The following AGPS variants were observed in gnomAD, a reference collection of about 807,000 sequenced individuals.
AGPS encodes the protein alkyldihydroxyacetonephosphate synthase, peroxisomal.
Under a neutral mutation model 90.7 loss-of-function variants are expected in AGPS, and 26 were observed. The ratio of observed to expected loss-of-function variants is 0.29; its 90% CI spans 0.21 to 0.40. The LOEUF (loss-of-function observed/expected upper bound fraction) is 0.40, where lower values mean the gene tolerates loss of function less well. Ranked by LOEUF, AGPS falls within the 10% of genes least tolerant of loss-of-function variation. AGPS has a pLI of 1.00. For missense variants in AGPS, 540 were observed against 816.1 expected, an observed-to-expected ratio of 0.66 and a Z score of 4.12; for synonymous variants, 294 against 285.3, an observed-to-expected ratio of 1.03 and a Z score of -0.31.
rs557419719 is a variant in AGPS, at chr2:177,516,272, T to C, written c.1697+2364T>C. The stretch of plus-strand genomic sequence containing the variant: ...TTTTTGTCCATTAAAATGTACTTTG[T>C]ACATTGGAATAGAAATTCCAGTCCA... On this transcript the variant is annotated intron_variant, in intron 17 of 19. Coordinates refer to ENST00000264167, the MANE Select transcript of AGPS (RefSeq NM_003659.4). 2.0e-5 allele frequency among the ~76,000 whole-genome samples: 3 copies of C among 152,274 alleles called. No homozygotes were observed. The East Asian group carries it at 5.8e-4, about 29-fold the overall frequency.
intron 1 of AGPS, among the ~76,000 whole-genome samples, chr2:177,406,047 G>T (rs1685458496): frequency 6.6e-6 from 1 of 152,150 alleles, no homozygotes; most frequent in Admixed American, 6.6e-5. Flanking sequence ...CCTGAGTCAT[G>T]AGTTCTTGCT....
At chr2:177,399,827 T>A (rs916335503) in intron 1 of AGPS, among the ~76,000 whole-genome samples, 3 of 152,252 alleles carry the variant, frequency 2.0e-5, no homozygotes, top group African/African-American at 7.2e-5. Flanking sequence ...CTGTTTGAAC[T>A]TCATGTAAAT....
At chr2:177,489,087 C>CT (rs373471623) in intron 11 of AGPS, among the ~76,000 whole-genome samples, 98,890 of 139,944 alleles carry the variant, frequency 0.71, 35,139 homozygotes, top group Admixed American at 0.77. Flanking sequence ...TTTGATGTTT[C>CT]TTTTTTTTTT....
intron 1 of AGPS, 182 bp downstream of exon 1, chr2:177,393,231 G>A: frequency 2.0e-6 from 2 of 985,394 alleles, no homozygotes; most frequent in Non-Finnish European, 2.4e-6. Flanking sequence ...CTGTCAGGAA[G>A]GGGGCGGGAT....
At chr2:177,422,580 G>A (rs2105611792) in intron 2 of AGPS, among the ~76,000 whole-genome samples, 1 of 152,302 alleles carries the variant, frequency 6.6e-6, no homozygotes, top group African/African-American at 2.4e-5. Flanking sequence ...ATTTGCATTA[G>A]TGGAGGGTAG....
intron 15 of AGPS, among the ~76,000 whole-genome samples, chr2:177,506,806 A>G (rs367846946): frequency 3.3e-5 from 5 of 152,020 alleles, no homozygotes; most frequent in African/African-American, 1.2e-4. Flanking sequence ...TCAATTGTCA[A>G]TATCATAGTT....
chr2:177,513,878 G>T lies in AGPS; in HGVS notation c.1667G>T (p.Gly556Val). Residue 556 changes from glycine (G) to valine (V), a missense_variant, in exon 17 of 20, where the codon GGT becomes GTT. Gly to Val is a moderately radical substitution (Grantham distance 109). Coordinates refer to ENST00000264167, the MANE Select transcript of AGPS (RefSeq NM_003659.4). ...ATAACAAGGGAATGCAAAGAGAAGG[G>T]TGTTCAGTTTGCTCCTTTTTCTACA... ...ERITRECKEKGVQFAPFSTCR... is the reference protein window; with the variant it reads ...ERITRECKEKVVQFAPFSTCR... 1 of 1,613,598 alleles carries T rather than the reference G, an allele frequency of 6.2e-7. No individual in the cohort carries two copies. Among genetic ancestry groups the T allele is most frequent in the Non-Finnish European group, 8.5e-7 (1 of 1,179,660 alleles).
intron 12 of AGPS, among the ~76,000 whole-genome samples, chr2:177,495,258 A>G (rs1574009391): frequency 6.6e-6 from 1 of 152,304 alleles, no homozygotes; most frequent in Non-Finnish European, 1.5e-5. Context: ...TAATCATCAA[A>G]TTGGCAAGGG....
At chr2:177,398,723 A>C (rs1204714367) in intron 1 of AGPS, among the ~76,000 whole-genome samples, 1 of 152,258 alleles carries the variant, frequency 6.6e-6, no homozygotes, top group Non-Finnish European at 1.5e-5. Flanking sequence ...ATTATAAAAC[A>C]TCATTCTGTC....
At chr2:177,502,407 ATTTTTTTT>A (rs71007998) in intron 14 of AGPS, among the ~76,000 whole-genome samples, 5 of 109,336 alleles carry the variant, frequency 4.6e-5, no homozygotes, top group Non-Finnish European at 3.8e-5. Context: ...AGCCATTTCG[ATTTTTTTT>A]TTTTTTTTTT....
intron 1 of AGPS, among the ~76,000 whole-genome samples, chr2:177,413,661 T>C (rs924963243): frequency 2.0e-5 from 3 of 152,248 alleles, no homozygotes; most frequent in African/African-American, 7.2e-5. Context: ...CTTTGTCCTT[T>C]GCTATGACAA....
intron 11 of AGPS, among the ~76,000 whole-genome samples, chr2:177,488,214 A>T (rs1688151896): frequency 1.3e-5 from 2 of 150,942 alleles, no homozygotes; most frequent in Admixed American, 6.6e-5. Flanking sequence ...GCCTTTTTTG[A>T]ACTTTTTTTT....
chr2:177,521,339 G>C lies in AGPS; in HGVS notation c.1768G>C (p.Asp590His), dbSNP rs370003716. Residue 590 changes from aspartate to histidine, a missense_variant, in exon 18 of 20, where the codon GAC becomes CAC. Physicochemically the swap from Asp to His is moderately conservative, Grantham distance 81. This residue lies in a region of AGPS where 405 missense variants were observed against 692.1 expected (regional missense o/e 0.59). Transcript: ENST00000264167. ...YFAFNYRGIS[D>H]PLTVFEQTEA... ...TGCCTTTAACTACAGGGGAATTAGTGACCCACTGACCGTATTTGAACAAAC... is the reference window on the plus strand; with the variant it reads ...TGCCTTTAACTACAGGGGAATTAGTCACCCACTGACCGTATTTGAACAAAC... 14 of 1,613,840 alleles carry C rather than the reference G, an allele frequency of 8.7e-6. No individual in the cohort carries two copies. The African/African-American group carries it at 1.1e-4, about 12-fold the overall frequency.
chr2:177,445,863 T>A (rs1308899033), intron 8 of AGPS, among the ~76,000 whole-genome samples: 1 of 152,162 alleles, frequency 6.6e-6, no homozygotes, highest in African/African-American at 2.4e-5. Context: ...GTAGCTTAGA[T>A]TAGGACAGAA....
intron 19 of AGPS, among the ~76,000 whole-genome samples, chr2:177,531,858 T>C (rs191709767): frequency 6.6e-6 from 1 of 152,078 alleles, no homozygotes; most frequent in East Asian, 1.9e-4. Context: ...CAAGCTGAGT[T>C]TGACGAAAGT....
intron 11 of AGPS, among the ~76,000 whole-genome samples, chr2:177,490,205 G>GTAACTT (rs1688210048): frequency 6.6e-6 from 1 of 151,978 alleles, no homozygotes; most frequent in African/African-American, 2.4e-5. Context: ...AACTGTAGTG[G>GTAACTT]TAACTTTTAA....
chr2:177,441,178 C>T, intron 6 of AGPS, 142 bp downstream of exon 6: 1 of 731,974 alleles, frequency 1.4e-6, no homozygotes, highest in Non-Finnish European at 2.3e-6. Context: ...GTCAATGATG[C>T]TCATTTTTGT....
intron 14 of AGPS, 94 bp from the exon 15 acceptor site, chr2:177,505,412 T>A: frequency 9.3e-7 from 1 of 1,076,804 alleles, no homozygotes. Context: ...AGATTTTTGT[T>A]ATTCAAACTT....
At chr2:177,495,246 A>G (rs973422391) in intron 12 of AGPS, among the ~76,000 whole-genome samples, 3 of 152,170 alleles carry the variant, frequency 2.0e-5, no homozygotes, top group African/African-American at 4.8e-5. Flanking sequence ...TGTTGATTCA[A>G]TTAATCATCA....
Sources: allele counts gnomAD v4.1 joint callset (sites outside exome capture counted in the v4.1 genomes callset), GRCh38; gene constraint gnomAD v4.1.1; regional missense constraint gnomAD v4.1.1; transcripts MANE v1.5; gene names NCBI Gene and HGNC (gene_info 2026-07-23, HGNC 2026-07-21).